ITPKC: variants seen among roughly 807,000 people sequenced by gnomAD.
ITPKC encodes inositol-trisphosphate 3-kinase C.
In ITPKC, 33 loss-of-function variants were observed where a neutral mutation model predicts 67.1. The ratio of observed to expected loss-of-function variants is 0.49; its 90% confidence interval spans 0.37 to 0.66. The LOEUF is 0.66. Among genes scored for constraint, ITPKC ranks in the 30% least tolerant of loss-of-function variants. The pLI is 0.00. For synonymous variants in ITPKC, 341 were observed against 359.8 expected, an observed-to-expected ratio of 0.95 and a Z score of 0.59; for missense variants, 820 against 892.1, an observed-to-expected ratio of 0.92 and a Z score of 1.03.
At chr19:40,720,366 C>CAA (rs200873505) in intron 1 of ITPKC, among the ~76,000 whole-genome samples, 3,793 of 116,146 alleles carry the variant, frequency 0.033, 59 homozygotes, top group Non-Finnish European at 0.043. Flanking sequence ...GACTCGGTCT[C>CAA]AAAAAAAAAA....
At position 40,733,289 on chromosome 19, in the gene ITPKC, C is replaced by T. The variant is rs2082280250; in HGVS notation, c.1599C>T (p.Thr533=). ...TPEEHAQGAV[T]KPRYMQWRET... is the part of the protein sequence containing the mutation. ...AGGAGCATGCCCAGGGTGCAGTCAC[C>T]AAGCCCCGCTACATGCAGTGGAGGG... Residue 533 remains threonine (T), a synonymous_variant, in exon 4 of 7, where the codon ACC becomes ACT. Transcript: ENST00000263370. 1.2e-6 allele frequency: 2 copies of T among 1,613,908 alleles called. No individual in the cohort carries two copies. Among genetic ancestry groups the T allele is most frequent in the African/African-American group, 2.7e-5 (2 of 74,922 alleles).
At chr19:40,730,171 A>G (rs1429664144) in intron 3 of ITPKC, among the ~76,000 whole-genome samples, 2 of 152,180 alleles carry the variant, frequency 1.3e-5, no homozygotes, top group Non-Finnish European at 2.9e-5. Context: ...TCCTGACCTC[A>G]GATGATCCAC....
intron 1 of ITPKC, among the ~76,000 whole-genome samples, chr19:40,719,256 C>T (rs1027399341): frequency 2.6e-5 from 4 of 152,132 alleles, no homozygotes; most frequent in Admixed American, 6.6e-5. Flanking sequence ...CCTGCCTTGA[C>T]GTGCCTGTGC....
chr19:40,717,636 A>G lies in ITPKC; in HGVS notation c.501A>G (p.Pro167=). Residue 167 remains proline, a synonymous_variant, in exon 1 of 7, where the codon CCA becomes CCG. Coordinates refer to ENST00000263370, the MANE Select transcript of ITPKC (RefSeq NM_025194.3). Reference sequence around the variant, plus strand: ...AGGAGGCCAGCCCCTGGACACAGCCAGGGGTTCATGGGCCCTGGACAGAGC... The same window carrying G: ...AGGAGGCCAGCCCCTGGACACAGCCGGGGGTTCATGGGCCCTGGACAGAGC... The part of the protein sequence containing the change: ...QPEEASPWTQ[P]GVHGPWTELE... 6.2e-7 allele frequency: 1 copy of G among 1,614,148 alleles called. No homozygotes were observed. Among genetic ancestry groups the G allele is most frequent in the Non-Finnish European group, 8.5e-7 (1 of 1,179,996 alleles).
intron 3 of ITPKC, among the ~76,000 whole-genome samples, chr19:40,729,909 A>T (rs1156954575): frequency 6.6e-6 from 1 of 152,196 alleles, no homozygotes; most frequent in African/African-American, 2.4e-5. Flanking sequence ...TGTTTTATTA[A>T]CTTAAACCAT....
chr19:40,721,078 G>A (rs1173063573), intron 1 of ITPKC, among the ~76,000 whole-genome samples: 3 of 151,506 alleles, frequency 2.0e-5, no homozygotes, highest in Non-Finnish European at 4.4e-5. Context: ...CTTCTAATGA[G>A]ACAAAAATCA....
chr19:40,725,261 G>T lies in ITPKC; in HGVS notation c.1156-79G>T, dbSNP rs7253502. 3.4e-6 allele frequency: 3 copies of T among 886,784 alleles called. No homozygotes were observed. Among genetic ancestry groups the T allele is most frequent in the Admixed American group, 1.9e-5 (1 of 53,202 alleles). 54.9% of individuals were successfully genotyped at this position (886,784 alleles called of 1,614,324 possible). A position where few individuals can be genotyped will look rare whatever the true frequency, so the allele number is the denominator to read the frequency against. On this transcript the variant is annotated intron_variant, in intron 1 of 6. Coordinates refer to ENST00000263370, the MANE Select transcript of ITPKC (RefSeq NM_025194.3). ...CTGGAAAGACTGCAGGTCCCCTTTC[G>T]TTCCCTCTCATGGCAGCACCTCTAG...
chr19:40,717,488 C>T lies in ITPKC; in HGVS notation c.353C>T (p.Ser118Phe). Residue 118 changes from serine to phenylalanine, a missense_variant, in exon 1 of 7, where the codon TCC becomes TTC. Physicochemically the swap from Ser to Phe is radical, Grantham distance 155. Coordinates refer to ENST00000263370, the MANE Select transcript of ITPKC (RefSeq NM_025194.3). ...RPKQKTEPDRSSLRTHLEWSW... is the reference protein window; with the variant it reads ...RPKQKTEPDRFSLRTHLEWSW... ...AAGCAAAAGACGGAGCCAGACAGGT[C>T]CAGCCTCCGGACGCATCTAGAATGG... The T allele has an allele frequency of 6.2e-7, 1 of 1,614,130 alleles. No individual in the cohort carries two copies.
At chr19:40,730,817 G>C (rs2561536) in intron 3 of ITPKC, among the ~76,000 whole-genome samples, 116,506 of 152,098 alleles carry the variant, frequency 0.77, 44,701 homozygotes, top group Middle Eastern at 0.78. Flanking sequence ...ACAACAATGA[G>C]AGCACAGAAG....
At chr19:40,729,585 G>T (rs569199690) in intron 3 of ITPKC, among the ~76,000 whole-genome samples, 170 bp downstream of exon 3, 1 of 152,252 alleles carries the variant, frequency 6.6e-6, no homozygotes, top group East Asian at 1.9e-4. Context: ...GACCAACGTG[G>T]TGAAGCCCTG....
At chr19:40,734,789 T>TG (rs2082287638) in intron 4 of ITPKC, among the ~76,000 whole-genome samples, 1 of 150,140 alleles carries the variant, frequency 6.7e-6, no homozygotes, top group African/African-American at 2.4e-5. Flanking sequence ...TTGTTTTTTT[T>TG]TTTTTTTTTG....
intron 1 of ITPKC, among the ~76,000 whole-genome samples, chr19:40,721,060 A>T (rs1339293213): frequency 1.3e-5 from 2 of 150,928 alleles, no homozygotes; most frequent in Non-Finnish European, 3.0e-5. Context: ...CAGGTGTGCT[A>T]TCCTATTCTT....
At chr19:40,732,607 A>G (rs1316685502) in intron 3 of ITPKC, among the ~76,000 whole-genome samples, 1 of 151,020 alleles carries the variant, frequency 6.6e-6, no homozygotes, top group East Asian at 1.9e-4. Flanking sequence ...ACCAATATAC[A>G]TTGTAACTAA....
rs762762144 is a variant in ITPKC, at chr19:40,717,972, A to G, written c.837A>G (p.Gln279=). Residue 279 remains glutamine, a synonymous_variant, in exon 1 of 7, where the codon CAA becomes CAG. Coordinates refer to ENST00000263370, the MANE Select transcript of ITPKC (RefSeq NM_025194.3). Reference sequence around the variant, plus strand: ...AGGATACTGATGGCTCCTGGACACAACCTAGCACTGACGGTTCCCAGACAG... The same window carrying G: ...AGGATACTGATGGCTCCTGGACACAGCCTAGCACTGACGGTTCCCAGACAG... ...IQQDTDGSWT[Q]PSTDGSQTAP... is the part of the protein sequence containing the mutation. 32 of 1,614,026 alleles carry G rather than the reference A, an allele frequency of 2.0e-5. No homozygotes were observed. Among genetic ancestry groups the G allele is most frequent in the African/African-American group, 4.0e-5 (3 of 74,910 alleles).
Position 40,725,831 on chromosome 19 carries a change from C to A in ITPKC, c.1255+392C>A, listed in dbSNP as rs143114837. 2.5e-3 allele frequency among the ~76,000 whole-genome samples: 378 copies of A among 152,200 alleles called. 3 individuals are homozygous for A. Among genetic ancestry groups the A allele is most frequent in the African/African-American group, 8.7e-3 (362 of 41,524 alleles). ...TGTATATAAAGATTGAGGCCAGGCA[C>A]GGTGGCTTACATCTGTAATCCTAGC... On this transcript the variant is annotated intron_variant, in intron 2 of 6. Transcript: ENST00000263370.
At chr19:40,730,334 G>C (rs899875008) in intron 3 of ITPKC, among the ~76,000 whole-genome samples, 6 of 151,482 alleles carry the variant, frequency 4.0e-5, no homozygotes, top group East Asian at 1.9e-4. Flanking sequence ...CACACACACA[G>C]ACACACACAC....
Position 40,718,114 on chromosome 19 carries a change from G to A in ITPKC, c.979G>A (p.Val327Met). The A allele has an allele frequency of 6.2e-7, 1 of 1,612,558 alleles. No homozygotes were observed. Among genetic ancestry groups the A allele is most frequent in the Non-Finnish European group, 8.5e-7 (1 of 1,179,730 alleles). ...CCTGAAGTGTAGCCCCCTGTGCCCTGTGCCCCGCCTCATCATTACCCCTGA... is the reference window on the plus strand; with the variant it reads ...CCTGAAGTGTAGCCCCCTGTGCCCTATGCCCCGCCTCATCATTACCCCTGA... The part of the protein sequence containing the change: ...SHLKCSPLCP[V>M]PRLIITPETP... The change falls in exon 1 of 7, where the codon GTG becomes ATG. Residue 327 changes from valine to methionine, a missense_variant. Val to Met is a conservative substitution (Grantham distance 21). Coordinates refer to ENST00000263370, the MANE Select transcript of ITPKC (RefSeq NM_025194.3).
intron 1 of ITPKC, among the ~76,000 whole-genome samples, chr19:40,721,362 CT>C (rs60392285): frequency 3.5e-3 from 502 of 142,396 alleles, no homozygotes; most frequent in Middle Eastern, 3.8e-3. Flanking sequence ...TTGGATCTAA[CT>C]TTTTTTTTTT....
In ITPKC at chr19:40,737,682, G is replaced by A. The variant is rs576116150; in HGVS notation, c.1777-16G>A. On this transcript the variant is annotated splice_polypyrimidine_tract_variant and intron_variant, in intron 5 of 6. Transcript: ENST00000263370. ...AAAGTCCCCATGCTAACCAAAGAAC[G>A]CTCCCTGTCACACAGCAAAAGTACG... 3.1e-6 allele frequency: 5 copies of A among 1,613,088 alleles called. No individual in the cohort carries two copies. Among genetic ancestry groups the A allele is most frequent in the South Asian group, 2.2e-5 (2 of 91,068 alleles).
Sources: gnomAD v4.1 joint callset for allele counts (sites outside exome capture counted in the v4.1 genomes callset) on GRCh38, gnomAD v4.1.1 for gene constraint, MANE v1.5 for transcripts, NCBI Gene and HGNC (gene_info 2026-07-23, HGNC 2026-07-21) for gene names.